The following ATF7IP2 variants were observed in gnomAD, a reference collection of about 807,000 sequenced individuals.
ATF7IP2 encodes activating transcription factor 7-interacting protein 2.
Under a neutral mutation model 64.2 loss-of-function variants are expected in ATF7IP2, and 42 were observed. That is an observed-to-expected ratio of 0.65 (90% CI 0.51 to 0.85). ATF7IP2 has a LOEUF of 0.85. Among genes scored for constraint, ATF7IP2 ranks in the 40% least tolerant of loss-of-function variants. The pLI is 0.00. For synonymous variants in ATF7IP2, 308 were observed against 272.8 expected (o/e 1.13, Z -1.27); for missense variants, 933 against 784.2 (o/e 1.19, Z -2.27).
intron 12 of ATF7IP2, 52 bp from the exon 13 acceptor site, chr16:10,480,827 G>T: frequency 1.7e-6 from 2 of 1,197,138 alleles, no homozygotes; most frequent in Non-Finnish European, 1.2e-6. Flanking sequence ...AAAGGCTATG[G>T]AATTGATTAT....
intron 9 of ATF7IP2, among the ~76,000 whole-genome samples, chr16:10,470,387 G>T (rs960679248): frequency 6.6e-6 from 1 of 152,120 alleles, no homozygotes; most frequent in Non-Finnish European, 1.5e-5. Context: ...ACCTAAATAA[G>T]TGGTGAGATA....
At chr16:10,433,700 G>A (rs1457137322) in intron 6 of ATF7IP2, 51 bp downstream of exon 6, 1 of 1,587,094 alleles carries the variant, frequency 6.3e-7, no homozygotes, top group Non-Finnish European at 8.6e-7. Context: ...AGTAAAACAT[G>A]GTAAAAGTTA....
In ATF7IP2 at chr16:10,413,905, T is replaced by C. The variant is rs577388068; in HGVS notation, c.-241-669T>C. Reference sequence around the variant, plus strand: ...AGGGTTTGCCGAGAAATCTGCTGTTTATGTGATAGGTTTTCCTTTATAGAT... The same window carrying C: ...AGGGTTTGCCGAGAAATCTGCTGTTCATGTGATAGGTTTTCCTTTATAGAT... On this transcript the variant is annotated intron_variant, in intron 1 of 13. Transcript: ENST00000562102. Among the ~76,000 whole-genome samples the C allele has an allele frequency of 2.0e-5, 3 of 152,342 alleles. No homozygotes were observed. The East Asian group carries it at 5.8e-4, about 29-fold the overall frequency.
At chr16:10,479,111 G>C (rs1451018153) in intron 12 of ATF7IP2, among the ~76,000 whole-genome samples, 4 of 150,626 alleles carry the variant, frequency 2.7e-5, no homozygotes, top group African/African-American at 7.4e-5. Context: ...CAGGGATCTA[G>C]AACTAGAAAT....
intron 9 of ATF7IP2, among the ~76,000 whole-genome samples, chr16:10,461,080 A>G (rs1419795118): frequency 1.3e-5 from 2 of 152,206 alleles, no homozygotes; most frequent in East Asian, 1.9e-4. Context: ...TGGCCAATAT[A>G]CATATGAAAA....
rs1018656443 is a variant in ATF7IP2 at position 10,428,938 on chromosome 16, A to G, written c.-89A>G. 2.6e-5 allele frequency: 4 copies of G among 151,952 alleles called. No individual in the cohort carries two copies. Among genetic ancestry groups the G allele is most frequent in the Admixed American group, 6.6e-5 (1 of 15,258 alleles). The allele number at this position is 151,952 out of a possible 1,614,324, so 9.4% of individuals were successfully genotyped here. A position where few individuals can be genotyped will look rare whatever the true frequency, so the allele number is the denominator to read the frequency against. ...ACCCTTGCTGGAGTGCAGTGGTGCAATCACAGATCACGGCAGTGTCTAATT... is the reference window on the plus strand; with the variant it reads ...ACCCTTGCTGGAGTGCAGTGGTGCAGTCACAGATCACGGCAGTGTCTAATT... On this transcript the variant is annotated 5_prime_UTR_variant, in exon 4 of 14. Coordinates refer to ENST00000562102, the MANE Select transcript of ATF7IP2 (RefSeq NM_001393719.1).
At chr16:10,438,069 A>C (rs2048481288) in intron 6 of ATF7IP2, 32 bp from the exon 7 acceptor site, 1 of 1,486,718 alleles carries the variant, frequency 6.7e-7, no homozygotes, top group African/African-American at 1.4e-5. Context: ...TTTGAAACGT[A>C]GGGTGTTTTG....
chr16:10,429,827 ATTTTG>A (rs1233619679), intron 4 of ATF7IP2, among the ~76,000 whole-genome samples: 1 of 123,370 alleles, frequency 8.1e-6, no homozygotes, highest in African/African-American at 3.0e-5. Flanking sequence ...TTTTATTTTT[ATTTTG>A]TTTTATTTTA....
At chr16:10,445,192 C>G (rs1233016917) in intron 8 of ATF7IP2, 1 of 152,196 alleles carries the variant, frequency 6.6e-6, no homozygotes, top group African/African-American at 2.4e-5. Flanking sequence ...TTCCTTGATG[C>G]AGCTGAGACA....
At chr16:10,458,712 C>T (rs1310871771) in intron 9 of ATF7IP2, among the ~76,000 whole-genome samples, 1 of 152,182 alleles carries the variant, frequency 6.6e-6, no homozygotes, top group African/African-American at 2.4e-5. Flanking sequence ...TTTTATGAGA[C>T]TAGCATAACC....
intron 9 of ATF7IP2, among the ~76,000 whole-genome samples, chr16:10,471,264 A>C (rs1438843131): frequency 6.6e-6 from 1 of 152,206 alleles, no homozygotes; most frequent in East Asian, 1.9e-4. Flanking sequence ...GCAGTGGCTC[A>C]CACCTGTAAT....
At chr16:10,450,367 C>T (rs1298794608) in intron 8 of ATF7IP2, among the ~76,000 whole-genome samples, 2 of 152,084 alleles carry the variant, frequency 1.3e-5, no homozygotes, top group Non-Finnish European at 2.9e-5. Flanking sequence ...TCCTGAGTAT[C>T]CTTGCTAATT....
chr16:10,404,713 T>G (rs1244343249), intron 1 of ATF7IP2, among the ~76,000 whole-genome samples: 1 of 152,056 alleles, frequency 6.6e-6, no homozygotes, highest in Non-Finnish European at 1.5e-5. Context: ...AATTTTTTTG[T>G]ATTTTTAGTA....
intron 6 of ATF7IP2, among the ~76,000 whole-genome samples, chr16:10,437,697 C>T (rs1292402203): frequency 6.6e-6 from 1 of 152,182 alleles, no homozygotes; most frequent in African/African-American, 2.4e-5. Context: ...ACCAACCAAC[C>T]ATTTTCATCA....
At chr16:10,433,816 C>T (rs951277814) in intron 6 of ATF7IP2, among the ~76,000 whole-genome samples, 167 bp downstream of exon 6, 2 of 152,198 alleles carry the variant, frequency 1.3e-5, no homozygotes, top group African/African-American at 2.4e-5. Flanking sequence ...TAACTACTTA[C>T]ATTACCAAAA....
intron 8 of ATF7IP2, among the ~76,000 whole-genome samples, 186 bp downstream of exon 8, chr16:10,440,648 C>G (rs2048584241): frequency 6.6e-6 from 1 of 152,198 alleles, no homozygotes. Flanking sequence ...ACTTGTATTT[C>G]TGTAGTAAAG....
intron 9 of ATF7IP2, among the ~76,000 whole-genome samples, chr16:10,463,542 G>C (rs372094054): frequency 2.0e-5 from 3 of 152,128 alleles, no homozygotes; most frequent in Admixed American, 1.3e-4. Flanking sequence ...ACATGGTGAG[G>C]CATCCTGCTA....
intron 2 of ATF7IP2, among the ~76,000 whole-genome samples, chr16:10,415,940 A>G (rs542140096): frequency 6.6e-6 from 1 of 152,346 alleles, no homozygotes; most frequent in African/African-American, 2.4e-5. Context: ...TATTCAAAAG[A>G]CAGGTAATAT....
intron 8 of ATF7IP2, among the ~76,000 whole-genome samples, chr16:10,441,653 C>G (rs1318832348): frequency 6.6e-6 from 1 of 152,116 alleles, no homozygotes; most frequent in Non-Finnish European, 1.5e-5. Flanking sequence ...AGCCCTTTGT[C>G]AAATGGATAG....
Sources: allele counts gnomAD v4.1 joint callset (sites outside exome capture counted in the v4.1 genomes callset), GRCh38; gene constraint gnomAD v4.1.1; transcripts MANE v1.5; gene names NCBI Gene and HGNC (gene_info 2026-07-23, HGNC 2026-07-21).